The following AFF2 variants were observed in gnomAD, a reference collection of about 807,000 sequenced individuals.
AFF2 encodes AF4/FMR2 family member 2.
AFF2 carries 14 observed loss-of-function variants against 76.9 expected under a neutral mutation model. That is an observed-to-expected ratio of 0.18 (90% CI 0.12 to 0.28). AFF2 has a LOEUF of 0.28. Among genes scored for constraint, AFF2 ranks in the 10% least tolerant of loss-of-function variants. AFF2 has a pLI of 1.00. For missense variants in AFF2, 868 were observed against 1,001.1 expected, an observed-to-expected ratio of 0.87 and a Z score of 1.79; for synonymous variants, 398 against 366.7, an observed-to-expected ratio of 1.09 and a Z score of -0.98.
chrX:148,755,428 C>T (rs1406319474), intron 3 of AFF2, among the ~76,000 whole-genome samples: 2 of 111,672 alleles, frequency 1.8e-5, no homozygotes, highest in Non-Finnish European at 3.8e-5. Flanking sequence ...GTTCAGGTTA[C>T]ACTAAATCAC....
intron 19 of AFF2, among the ~76,000 whole-genome samples, chrX:148,983,965 A>AAAAAAAAAAAAAAAAAACAAAAAAAC (rs1438744109): frequency 3.0e-5 from 3 of 99,792 alleles, no homozygotes; most frequent in African/African-American, 1.2e-4. Context: ...AAAAAAAAAA[A>AAAAAAAAAAAAAAAAAACAAAAAAAC]AAACTGCCCT....
intron 3 of AFF2, among the ~76,000 whole-genome samples, chrX:148,679,535 T>C (rs1393800161): frequency 1.8e-5 from 2 of 111,833 alleles, no homozygotes; most frequent in African/African-American, 6.5e-5. Context: ...CTTTAAAATT[T>C]AAATGGGATA....
chrX:148,865,395 T>C (rs1414852758), intron 7 of AFF2, among the ~76,000 whole-genome samples: 1 of 112,338 alleles, frequency 8.9e-6, no homozygotes, highest in African/African-American at 3.2e-5. Flanking sequence ...GAAAGTCCTC[T>C]TGTGGCCACA....
chrX:148,732,714 C>T (rs1311383370), intron 3 of AFF2, among the ~76,000 whole-genome samples: 1 of 109,361 alleles, frequency 9.1e-6, no homozygotes, highest in Non-Finnish European at 1.9e-5. Flanking sequence ...ACCTGCTTCA[C>T]CAGCCTCTCA....
rs782505773 is a variant in AFF2, at chrX:148,771,760, A to G, written c.1042-38116A>G. Among the ~76,000 whole-genome samples, 4 of 112,566 alleles carry G rather than the reference A, an allele frequency of 3.6e-5. No homozygotes were observed. The South Asian group carries it at 1.5e-3, about 41-fold the overall frequency. ...CAAAGTATTAACAAGGGGAGAACTT[A>G]CAAGAAAGTGAACCTAAATGATTCT... is the stretch of plus-strand genomic sequence containing the variant. On this transcript the variant is annotated intron_variant, in intron 3 of 20. Coordinates refer to ENST00000370460, the MANE Select transcript of AFF2 (RefSeq NM_002025.4).
chrX:148,782,264 A>G (rs782602702), intron 3 of AFF2, among the ~76,000 whole-genome samples: 38 of 111,945 alleles, frequency 3.4e-4, no homozygotes, highest in Non-Finnish European at 6.0e-4. Context: ...ATCTTCCACA[A>G]AGGATATCCA....
chrX:148,957,857 G>A (rs965759098), intron 11 of AFF2, among the ~76,000 whole-genome samples: 1 of 112,245 alleles, frequency 8.9e-6, no homozygotes, highest in East Asian at 2.8e-4. Flanking sequence ...ACATGCAAAA[G>A]TCCAAAGGTG....
chrX:148,891,379 T>C (rs1297812788), intron 8 of AFF2, among the ~76,000 whole-genome samples: 3 of 112,279 alleles, frequency 2.7e-5, no homozygotes, highest in Non-Finnish European at 1.9e-5. Flanking sequence ...CAGTTATTGA[T>C]GCTATGCTTG....
intron 3 of AFF2, among the ~76,000 whole-genome samples, chrX:148,726,272 C>G (rs143737914): frequency 8.9e-6 from 1 of 111,846 alleles, no homozygotes; most frequent in Non-Finnish European, 1.9e-5. Context: ...TGAGACTTAG[C>G]GTCCAAGGTT....
intron 1 of AFF2, among the ~76,000 whole-genome samples, chrX:148,552,262 A>G (rs1557239059): frequency 8.9e-6 from 1 of 112,257 alleles, no homozygotes; most frequent in Non-Finnish European, 1.9e-5. Context: ...ACACAGCCAC[A>G]TGTCCTTTAA....
chrX:148,862,391 C>T (rs782430768), intron 7 of AFF2, among the ~76,000 whole-genome samples: 154 of 110,627 alleles, frequency 1.4e-3, no homozygotes, highest in African/African-American at 4.6e-3. Context: ...AATGCAAACA[C>T]GCATAACATT....
intron 1 of AFF2, among the ~76,000 whole-genome samples, chrX:148,571,351 G>A (rs189085220): frequency 5.0e-4 from 56 of 111,645 alleles, no homozygotes; most frequent in African/African-American, 1.7e-3. Flanking sequence ...CTTTCCAAAT[G>A]TTCCAGAACT....
At chrX:148,601,901 C>A (rs1557248121) in intron 1 of AFF2, among the ~76,000 whole-genome samples, 1 of 111,783 alleles carries the variant, frequency 8.9e-6, no homozygotes, top group African/African-American at 3.3e-5. Flanking sequence ...ATTATTCATT[C>A]CTCATTAAAT....
In AFF2 at chrX:148,500,936, C is replaced by T. The variant is rs2052339872; in HGVS notation, c.-162C>T. The T allele has an allele frequency of 1.1e-5, 7 of 623,167 alleles. No individual in the cohort carries two copies. In the South Asian group the frequency reaches 2.2e-4, roughly 20 times the overall value. The allele number at this position is 623,167 out of a possible 1,213,427, so 51.4% of individuals were successfully genotyped here. A position where few individuals can be genotyped will look rare whatever the true frequency, so the allele number is the denominator to read the frequency against. ...GCCGGAGCACAGGACCAGACACCTC[C>T]AGCGCCCGCTGCTGCTGCCGATGCG... On this transcript the variant is annotated 5_prime_UTR_variant, in exon 1 of 21. Transcript: ENST00000370460.
chrX:148,574,983 TGTGA>T (rs1228530866), intron 1 of AFF2, among the ~76,000 whole-genome samples: 112 of 94,760 alleles, frequency 1.2e-3, no homozygotes, highest in Middle Eastern at 5.6e-3. Flanking sequence ...TGTGTGTGTG[TGTGA>T]GAGAGAGACT....
intron 1 of AFF2, among the ~76,000 whole-genome samples, chrX:148,643,313 A>G (rs2054108184): frequency 8.9e-6 from 1 of 111,990 alleles, no homozygotes; most frequent in Admixed American, 9.5e-5. Context: ...TATATTCACT[A>G]TCCGATTACA....
In AFF2 at chrX:148,958,316, G is replaced by A. The variant is rs143482048; in HGVS notation, c.2569-21G>A. ...TGGTGCCATGCATTTCAAGCTCTGT[G>A]TATTTTTTTCCCTGTTAAAGCCAAT... On this transcript the variant is annotated intron_variant, in intron 11 of 20. Transcript: ENST00000370460. 2.8e-4 allele frequency: 333 copies of A among 1,208,201 alleles called. No individual in the cohort carries two copies. In the African/African-American group the frequency reaches 4.9e-3, roughly 18 times the overall value.
At chrX:148,953,806 C>T in intron 10 of AFF2, 67 bp downstream of exon 10, 1 of 725,003 alleles carries the variant, frequency 1.4e-6, no homozygotes. Flanking sequence ...TCAACACACA[C>T]ACACACAGAC....
At chrX:148,973,679 G>T (rs1255934704) in intron 16 of AFF2, 72 bp downstream of exon 16, 1 of 1,042,072 alleles carries the variant, frequency 9.6e-7, no homozygotes, top group African/African-American at 1.9e-5. Flanking sequence ...TTTAAAAAAT[G>T]TATCATTTCC....
Sources: gnomAD v4.1 joint callset for allele counts (sites outside exome capture counted in the v4.1 genomes callset) on GRCh38, gnomAD v4.1.1 for gene constraint, MANE v1.5 for transcripts, NCBI Gene and HGNC (gene_info 2026-07-23, HGNC 2026-07-21) for gene names.